NOP14: variants seen among roughly 807,000 people sequenced by gnomAD.
NOP14 encodes nucleolar protein 14.
NOP14 carries 57 observed loss-of-function variants against 101.6 expected under a neutral mutation model. The observed-to-expected ratio is 0.56, with a 90% confidence interval of 0.45 to 0.70. The LOEUF is 0.70. Among genes scored for constraint, NOP14 ranks in the 30% least tolerant of loss-of-function variants. The pLI is 0.00. For synonymous variants in NOP14, 428 were observed against 424.0 expected, an observed-to-expected ratio of 1.01 and a Z score of -0.12; for missense variants, 1,134 against 1,075.5, an observed-to-expected ratio of 1.05 and a Z score of -0.76.
rs549012393 is a variant in NOP14 at position 2,941,686 on chromosome 4, C to T, written c.2095G>A (p.Val699Met). 1.9e-5 allele frequency: 30 copies of T among 1,613,178 alleles called. No homozygotes were observed. The highest frequency in any genetic ancestry group is 1.5e-4 in the South Asian group (14 of 90,724). Residue 699 changes from valine to methionine, a missense_variant, in exon 15 of 18, where the codon GTG becomes ATG. Coordinates refer to ENST00000416614, the MANE Select transcript of NOP14 (RefSeq NM_001291978.2). ...GATGGCAGGGACCCGTACATGAGCA[C>T]GCAGCGCTTCAGCAGGGCCAGGCCC... ...AVGLALLKRC[V>M]LMYGSLPSFH...
At position 2,938,093 on chromosome 4, in the gene NOP14, A is replaced by G. The variant is rs1713793207; in HGVS notation, c.*738T>C. Reference sequence around the variant, plus strand: ...ACCAGTCGCAGCTGATAACACACAGACCATTCCCGATCCCAGAGGTGCATT... The same window carrying G: ...ACCAGTCGCAGCTGATAACACACAGGCCATTCCCGATCCCAGAGGTGCATT... On this transcript the variant is annotated 3_prime_UTR_variant, in exon 18 of 18. Coordinates refer to ENST00000416614, the MANE Select transcript of NOP14 (RefSeq NM_001291978.2). The G allele has an allele frequency of 2.4e-6, 2 of 850,830 alleles. No individual in the cohort carries two copies. Among genetic ancestry groups the G allele is most frequent in the Non-Finnish European group, 3.3e-6 (2 of 610,738 alleles). 52.7% of individuals were successfully genotyped at this position (850,830 alleles called of 1,614,324 possible).
Position 2,956,792 on chromosome 4 carries a change from CT to C in NOP14, c.349del (p.Ser117AlafsTer5). 6.2e-7 allele frequency: 1 copy of C among 1,603,816 alleles called. No individual in the cohort carries two copies. Reference sequence around the variant, plus strand: ...TTCATCTTCATTTAGATTGTAGATGCTTTTTTTCTCATGATGTCGCTGACAG... The same window carrying C: ...TTCATCTTCATTTAGATTGTAGATGCTTTTTTCTCATGATGTCGCTGACAG... Reference protein sequence around the residue: ...LEQQRHHEKKSIYNLNEDEEL... With the variant: ...LEQQRHHEKKXIYNLNEDEEL... On this transcript the variant is annotated frameshift_variant, in exon 3 of 18. Coordinates refer to ENST00000416614, the MANE Select transcript of NOP14 (RefSeq NM_001291978.2). LOFTEE classifies it high-confidence loss of function.
rs1395813365 is a variant in NOP14 at position 2,961,140 on chromosome 4, T to C, written c.195+1985A>G. On this transcript the variant is annotated intron_variant, in intron 1 of 17. Transcript: ENST00000416614. ...TATTAATATTATAATAATATATTAA[T>C]ATACTAATATAATAATATATTAATA... Among the ~76,000 whole-genome samples the C allele has an allele frequency of 4.7e-5, 3 of 63,612 alleles. 1 individual carries two copies. Among genetic ancestry groups the C allele is most frequent in the African/African-American group, 2.4e-4 (3 of 12,618 alleles). The allele number at this position is 63,612 out of a possible 152,430, so 41.7% of individuals were successfully genotyped here. A position where few individuals can be genotyped will look rare whatever the true frequency, so the allele number is the denominator to read the frequency against.
At chr4:2,952,233 G>A (rs763864973) in intron 6 of NOP14, 42 bp downstream of exon 6, 7 of 1,600,950 alleles carry the variant, frequency 4.4e-6, no homozygotes, top group East Asian at 2.2e-5. Flanking sequence ...GGCTGTGGAC[G>A]GACAGCAGCA....
intron 13 of NOP14, among the ~76,000 whole-genome samples, chr4:2,942,951 G>C (rs571014242): frequency 6.6e-6 from 1 of 152,344 alleles, no homozygotes; most frequent in South Asian, 2.1e-4. Context: ...GCCGGGCCAA[G>C]CGAGAGGGGA....
chr4:2,939,154 C>T (rs1045774068), intron 17 of NOP14, 34 bp downstream of exon 17: 1 of 1,612,350 alleles, frequency 6.2e-7, no homozygotes, highest in Non-Finnish European at 8.5e-7. Flanking sequence ...CTGAGTGACA[C>T]CACAATCGTG....
chr4:2,948,201 A>G (rs983802201), intron 9 of NOP14, 77 bp downstream of exon 9: 1 of 1,498,606 alleles, frequency 6.7e-7, no homozygotes, highest in Non-Finnish European at 8.9e-7. Context: ...CCGTTGCACA[A>G]CTTCACACAA....
intron 3 of NOP14, 45 bp from the exon 4 acceptor site, chr4:2,954,608 G>A: frequency 9.4e-6 from 15 of 1,602,032 alleles, no homozygotes; most frequent in Non-Finnish European, 1.3e-5. Context: ...CCCAGCCCTG[G>A]CGTGGGAAGT....
Position 2,941,723 on chromosome 4 carries a change from G to T in NOP14, c.2058C>A (p.Ser686=), listed in dbSNP as rs1275513367. The part of the protein sequence containing the change: ...TSTEANHIRL[S]CLAVGLALLK... ...GCAGGGCCAGGCCCACAGCCAGGCA[G>T]GACAGTCTGTGAGGGCAGGAGGCAA... The change falls in exon 15 of 18, where the codon TCC becomes TCA. Residue 686 remains serine, a synonymous_variant. Transcript: ENST00000416614. 2 of 1,612,336 alleles carry T rather than the reference G, an allele frequency of 1.2e-6. No homozygotes were observed. The highest frequency in any genetic ancestry group is 2.7e-5 in the African/African-American group (2 of 74,950).
chr4:2,945,364 T>C, intron 11 of NOP14, 135 bp from the exon 12 acceptor site: 2 of 666,138 alleles, frequency 3.0e-6, no homozygotes, highest in Non-Finnish European at 5.2e-6. Flanking sequence ...AGCTCTGGCC[T>C]CAGTGTCACA....
chr4:2,951,337 C>A, intron 6 of NOP14, 92 bp from the exon 7 acceptor site: 1 of 1,168,882 alleles, frequency 8.6e-7, no homozygotes, highest in Non-Finnish European at 1.2e-6. Flanking sequence ...CGGGCTGGGC[C>A]TACGGTCCTC....
chr4:2,938,790 G>A lies in NOP14; in HGVS notation c.*41C>T. On this transcript the variant is annotated 3_prime_UTR_variant, in exon 18 of 18. Transcript: ENST00000416614. ...CCCAGAGGGTTGGAATTGCAGATGT[G>A]AGGTAATGTCCAGTTCCTTGCCTTA... 1 of 1,516,436 alleles carries A rather than the reference G, an allele frequency of 6.6e-7. No individual in the cohort carries two copies. The highest frequency in any genetic ancestry group is 9.1e-7 in the Non-Finnish European group (1 of 1,094,646). The allele number at this position is 1,516,436 out of a possible 1,614,324, so 93.9% of individuals were successfully genotyped here.
rs372153410 is a variant in NOP14, at chr4:2,938,394, T to C, written c.*437A>G. 2.8e-3 allele frequency: 1,096 copies of C among 386,494 alleles called. 2 individuals are homozygous for C. The highest frequency in any genetic ancestry group is 0.02 in the African/African-American group (933 of 47,156). The allele number at this position is 386,494 out of a possible 1,614,324, so 23.9% of individuals were successfully genotyped here. A position where few individuals can be genotyped will look rare whatever the true frequency, so the allele number is the denominator to read the frequency against. On this transcript the variant is annotated 3_prime_UTR_variant, in exon 18 of 18. Transcript: ENST00000416614. Reference sequence around the variant, plus strand: ...AATTAGCTGGGCGTGGTGGCACATGTCTGTAATCCCAGCTACTCGGGAGGC... The same window carrying C: ...AATTAGCTGGGCGTGGTGGCACATGCCTGTAATCCCAGCTACTCGGGAGGC...
At position 2,947,337 on chromosome 4, in the gene NOP14, C is replaced by T. The variant is rs372841575; in HGVS notation, c.1499+189G>A. 1,046 of 593,064 alleles carry T rather than the reference C, an allele frequency of 1.8e-3. 2 individuals carry two copies. The highest frequency in any genetic ancestry group is 6.4e-3 in the East Asian group (222 of 34,810). The allele number at this position is 593,064 out of a possible 1,614,324, so 36.7% of individuals were successfully genotyped here. A position where few individuals can be genotyped will look rare whatever the true frequency, so the allele number is the denominator to read the frequency against. On this transcript the variant is annotated intron_variant, in intron 10 of 17. Transcript: ENST00000416614. ...AGTCCCAGCTCTACAGTGGCTGGAGCGGCACGTGTGAGAAGCCGGCTTGCG... is the reference window on the plus strand; with the variant it reads ...AGTCCCAGCTCTACAGTGGCTGGAGTGGCACGTGTGAGAAGCCGGCTTGCG...
chr4:2,943,433 C>A (rs900811752), intron 13 of NOP14, among the ~76,000 whole-genome samples: 1 of 152,236 alleles, frequency 6.6e-6, no homozygotes. Context: ...TCCTCACCCC[C>A]CAGAGGGAAG....
chr4:2,953,476 T>C, intron 5 of NOP14, 35 bp downstream of exon 5: 1 of 1,610,440 alleles, frequency 6.2e-7, no homozygotes. Context: ...CCAAGCTCAG[T>C]GAGTGAAGAG....
At chr4:2,948,482 T>TCTCG in intron 8 of NOP14, 74 bp from the exon 9 acceptor site, 1 of 1,205,548 alleles carries the variant, frequency 8.3e-7, no homozygotes, top group Non-Finnish European at 1.1e-6. Flanking sequence ...TGAGATGGAG[T>TCTCG]CTCGCTCTGT....
chr4:2,953,628 T>C lies in NOP14; in HGVS notation c.630A>G (p.Gln210=), dbSNP rs200221034. Residue 210 remains glutamine, a synonymous_variant, in exon 5 of 18, where the codon CAA becomes CAG. Transcript: ENST00000416614. ...CCGTGAGCTCGAGGGCATCTTCTCG[T>C]TGAGCTTGTCTCTCCCTCTGGGGAA... The part of the protein sequence containing the change: ...SKQEKRERQA[Q]REDALELTEK... 48 of 1,614,116 alleles carry C rather than the reference T, an allele frequency of 3.0e-5. No homozygotes were observed. The highest frequency in any genetic ancestry group is 4.1e-5 in the Non-Finnish European group (48 of 1,180,046).
intron 4 of NOP14, 135 bp from the exon 5 acceptor site, chr4:2,953,780 A>G (rs1285378969): frequency 1.4e-5 from 13 of 900,634 alleles, no homozygotes; most frequent in Non-Finnish European, 2.0e-5. Flanking sequence ...AAAAGAGGCC[A>G]GGAGAAATGA....
Sources: gnomAD v4.1 joint callset for allele counts (sites outside exome capture counted in the v4.1 genomes callset) on GRCh38, gnomAD v4.1.1 for gene constraint, MANE v1.5 for transcripts, NCBI Gene and HGNC (gene_info 2026-07-23, HGNC 2026-07-21) for gene names.